The following NRXN1 variants were observed in gnomAD, a reference collection of about 807,000 sequenced individuals.
The protein encoded by NRXN1 is neurexin-1.
NRXN1 carries 39 observed loss-of-function variants against 150.9 expected under a neutral mutation model. The observed-to-expected ratio is 0.26, with a 90% CI of 0.20 to 0.34. NRXN1 has a LOEUF of 0.34. NRXN1 is among the 10% of genes least tolerant of loss of function. The pLI is 1.00. For synonymous variants in NRXN1, 924 were observed against 757.0 expected (o/e 1.22, Z -3.62); for missense variants, 1,815 against 1,949.9 (o/e 0.93, Z 1.30).
At chr2:50,371,688 A>G (rs1182950632) in intron 17 of NRXN1, among the ~76,000 whole-genome samples, 4 of 152,022 alleles carry the variant, frequency 2.6e-5, no homozygotes, top group Admixed American at 1.3e-4. Context: ...TCATCTGTGC[A>G]TTTTTATGGA....
intron 2 of NRXN1, among the ~76,000 whole-genome samples, chr2:50,936,333 T>C (rs1688540106): frequency 6.6e-6 from 1 of 152,158 alleles, no homozygotes; most frequent in South Asian, 2.1e-4. Context: ...GAAGAAAATA[T>C]GTGTTGGAAA....
intron 17 of NRXN1, among the ~76,000 whole-genome samples, chr2:50,361,484 C>A (rs1245223550): frequency 6.6e-6 from 1 of 152,146 alleles, no homozygotes; most frequent in African/African-American, 2.4e-5. Context: ...ACTATAAACA[C>A]CTCTATGCAA....
intron 21 of NRXN1, among the ~76,000 whole-genome samples, chr2:49,976,738 C>A (rs1558620969): frequency 6.6e-6 from 1 of 152,068 alleles, no homozygotes; most frequent in Non-Finnish European, 1.5e-5. Context: ...TCTATGAATG[C>A]AAATAATAAT....
intron 15 of NRXN1, among the ~76,000 whole-genome samples, chr2:50,489,812 A>T (rs1417939975): frequency 6.6e-6 from 1 of 152,192 alleles, no homozygotes; most frequent in African/African-American, 2.4e-5. Context: ...AAATACTGTG[A>T]GCTGGGCCAA....
chr2:51,024,822 T>C (rs1162706735), intron 2 of NRXN1, among the ~76,000 whole-genome samples: 1 of 152,192 alleles, frequency 6.6e-6, no homozygotes, highest in South Asian at 2.1e-4. Flanking sequence ...TATTTACTTG[T>C]CTGTTTTTTT....
intron 2 of NRXN1, among the ~76,000 whole-genome samples, chr2:50,930,920 C>T (rs1218423014): frequency 1.3e-5 from 2 of 152,110 alleles, no homozygotes; most frequent in Non-Finnish European, 2.9e-5. Context: ...AAGAGTTTGA[C>T]GTCATCATAT....
chr2:50,290,000 T>G (rs1206131286), intron 17 of NRXN1, among the ~76,000 whole-genome samples: 2 of 152,170 alleles, frequency 1.3e-5, no homozygotes, highest in African/African-American at 4.8e-5. Context: ...AATTAATTTT[T>G]TAGTGAAATT....
chr2:50,721,829 T>C (rs551090493), intron 5 of NRXN1, among the ~76,000 whole-genome samples: 1 of 152,170 alleles, frequency 6.6e-6, no homozygotes, highest in African/African-American at 2.4e-5. Flanking sequence ...AAAGTTGATA[T>C]ACATTAATAT....
chr2:50,617,496 A>C (rs1339761085), intron 8 of NRXN1, among the ~76,000 whole-genome samples: 1 of 152,158 alleles, frequency 6.6e-6, no homozygotes, highest in Admixed American at 6.5e-5. Context: ...TTGTGCTGAT[A>C]TCCTTCCAAA....
At chr2:51,013,649 C>T (rs1362367582) in intron 2 of NRXN1, among the ~76,000 whole-genome samples, 2 of 151,908 alleles carry the variant, frequency 1.3e-5, no homozygotes, top group African/African-American at 4.8e-5. Context: ...AAAAGAGGAA[C>T]CTTAAGCAAT....
chr2:50,258,382 G>A (rs907119128), intron 17 of NRXN1, among the ~76,000 whole-genome samples: 3 of 151,996 alleles, frequency 2.0e-5, no homozygotes, highest in African/African-American at 7.2e-5. Context: ...TTCATCTCAT[G>A]AAACCACATT....
chr2:49,949,620 A>C (rs147388834), intron 21 of NRXN1, among the ~76,000 whole-genome samples: 2 of 152,058 alleles, frequency 1.3e-5, no homozygotes, highest in African/African-American at 4.8e-5. Context: ...ACCCACAAAT[A>C]AACCCGATTT....
intron 17 of NRXN1, among the ~76,000 whole-genome samples, chr2:50,285,427 C>A (rs1217924944): frequency 1.3e-5 from 2 of 152,146 alleles, no homozygotes; most frequent in Non-Finnish European, 2.9e-5. Context: ...CAACCCCCCA[C>A]ACACACTCAC....
rs114724765 is a variant in NRXN1, at chr2:49,933,641, A to G, written c.4216+10063T>C. ...TCCTTTATCAGAAACCATGATAATG[A>G]CACATAAATTATTTATATCCCAGGG... is the stretch of plus-strand genomic sequence containing the variant. On this transcript the variant is annotated intron_variant, in intron 22 of 22. Transcript: ENST00000401669. 2.7e-3 allele frequency among the ~76,000 whole-genome samples: 298 copies of G among 109,930 alleles called. 2 individuals carry two copies. Among genetic ancestry groups the G allele is most frequent in the African/African-American group, 0.01 (283 of 27,822 alleles). The allele number at this position is 109,930 out of a possible 152,430, so 72.1% of individuals were successfully genotyped here. A position where few individuals can be genotyped will look rare whatever the true frequency, so the allele number is the denominator to read the frequency against.
At chr2:50,185,420 T>C (rs1327080642) in intron 18 of NRXN1, 2 of 152,046 alleles carry the variant, frequency 1.3e-5, no homozygotes, top group Non-Finnish European at 2.9e-5. Context: ...AAATATGATG[T>C]AGTCAAGAAG....
chr2:50,215,091 T>C (rs2063304799), intron 18 of NRXN1, among the ~76,000 whole-genome samples: 1 of 152,042 alleles, frequency 6.6e-6, no homozygotes, highest in Non-Finnish European at 1.5e-5. Flanking sequence ...ATTACCTTCC[T>C]ATTCCTCTGA....
chr2:50,636,275 G>A (rs1683227429), intron 5 of NRXN1, among the ~76,000 whole-genome samples: 1 of 151,976 alleles, frequency 6.6e-6, no homozygotes, highest in Non-Finnish European at 1.5e-5. Context: ...TTTGCTCAGG[G>A]AAACGCATCA....
intron 12 of NRXN1, among the ~76,000 whole-genome samples, chr2:50,513,809 G>C (rs1044525094): frequency 6.6e-6 from 1 of 151,160 alleles, no homozygotes; most frequent in Non-Finnish European, 1.5e-5. Flanking sequence ...ACAGAAACTT[G>C]AAAAAAAACA....
intron 18 of NRXN1, among the ~76,000 whole-genome samples, chr2:50,116,515 G>C (rs368636683): frequency 6.6e-6 from 1 of 151,968 alleles, no homozygotes; most frequent in East Asian, 1.9e-4. Flanking sequence ...AATGTCGATG[G>C]GGTCAGCTCT....
Sources: gnomAD v4.1 joint callset for allele counts (sites outside exome capture counted in the v4.1 genomes callset) on GRCh38, gnomAD v4.1.1 for gene constraint, MANE v1.5 for transcripts, NCBI Gene and HGNC (gene_info 2026-07-23, HGNC 2026-07-21) for gene names.